STRAP: variants seen among roughly 807,000 people sequenced by gnomAD.
STRAP encodes the protein serine-threonine kinase receptor-associated protein.
Under a neutral mutation model 47.0 loss-of-function variants are expected in STRAP, and 16 were observed. The observed-to-expected ratio is 0.34, with a 90% CI of 0.23 to 0.52. STRAP has a LOEUF of 0.52. STRAP is among the 20% of genes least tolerant of loss of function. STRAP has a pLI of 0.96. For missense variants in STRAP, 293 were observed against 420.0 expected (o/e 0.70, Z 2.64); for synonymous variants, 130 against 142.7 (o/e 0.91, Z 0.63).
chr12:15,884,849 A>C (rs1947955700), intron 2 of STRAP, among the ~76,000 whole-genome samples: 1 of 152,148 alleles, frequency 6.6e-6, no homozygotes, highest in Admixed American at 6.5e-5. Flanking sequence ...GGCCCTTTAC[A>C]GTTTGCTTCA....
chr12:15,882,939 C>A, intron 1 of STRAP, 120 bp downstream of exon 1: 1 of 1,343,400 alleles, frequency 7.4e-7, no homozygotes, highest in Non-Finnish European at 1.0e-6. Context: ...ATATTAACAT[C>A]TGAGATGAGA....
rs1948008995 is a variant in STRAP, at chr12:15,890,810, A to G, written c.403+141A>G. The G allele has an allele frequency of 4.5e-6, 3 of 662,120 alleles. No homozygotes were observed. Among genetic ancestry groups the G allele is most frequent in the East Asian group, 6.3e-5 (2 of 31,836 alleles). 41.0% of individuals were successfully genotyped at this position (662,120 alleles called of 1,614,324 possible). ...CACGGTGGCTCATACCTGTAATCCTAGCACTTTGGGAGACTGAGGCGGGTG... is the reference window on the plus strand; with the variant it reads ...CACGGTGGCTCATACCTGTAATCCTGGCACTTTGGGAGACTGAGGCGGGTG... On this transcript the variant is annotated intron_variant, in intron 4 of 9. Coordinates refer to ENST00000419869, the MANE Select transcript of STRAP (RefSeq NM_007178.4). This position sits in a 1 kb window ranked among gnomAD's most constrained non-coding sequence, Gnocchi z 4.5.
rs985311402 is a variant in STRAP, at chr12:15,890,752, CA to C, written c.403+86del. On this transcript the variant is annotated intron_variant, in intron 4 of 9. Coordinates refer to ENST00000419869, the MANE Select transcript of STRAP (RefSeq NM_007178.4). The surrounding 1 kb of genome is among the most constrained non-coding windows in gnomAD (Gnocchi z 4.5). ...ATTAAAGAATTTCATGCTCAGTACT[CA>C]AATTTGGAAAATAAAGATAGTCATG... is the stretch of plus-strand genomic sequence containing the variant. 7.9e-7 allele frequency: 1 copy of C among 1,261,676 alleles called. No individual in the cohort carries two copies. Among genetic ancestry groups the C allele is most frequent in the African/African-American group, 1.5e-5 (1 of 64,704 alleles). 78.2% of individuals were successfully genotyped at this position (1,261,676 alleles called of 1,614,324 possible). A position where few individuals can be genotyped will look rare whatever the true frequency, so the allele number is the denominator to read the frequency against.
At position 15,896,620 on chromosome 12, in the gene STRAP, C is replaced by A. The variant is rs1411797545; in HGVS notation, c.638+1124C>A. 6.6e-6 allele frequency among the ~76,000 whole-genome samples: 1 copy of A among 151,836 alleles called. No homozygotes were observed. The highest frequency in any genetic ancestry group is 2.4e-5 in the African/African-American group (1 of 41,328). ...AAATATTGTTAGCCATTTAAAACTT[C>A]TTTGAAAACATTTTTACTTGATACA... is the stretch of plus-strand genomic sequence containing the variant. On this transcript the variant is annotated intron_variant, in intron 6 of 9. Transcript: ENST00000419869. The surrounding 1 kb of genome is among the most constrained non-coding windows in gnomAD (Gnocchi z 4.1).
At chr12:15,882,956 A>C (rs1947935885) in intron 1 of STRAP, 137 bp downstream of exon 1, 1 of 1,349,244 alleles carries the variant, frequency 7.4e-7, no homozygotes, top group South Asian at 1.3e-5. Context: ...GAGAGCCAAC[A>C]CTGGTCCGGT....
At chr12:15,899,758 T>C in intron 7 of STRAP, 146 bp from the exon 8 acceptor site, 1 of 724,422 alleles carries the variant, frequency 1.4e-6, no homozygotes. Flanking sequence ...ACCACTTTTG[T>C]GATGAGAAAT....
chr12:15,882,918 G>C, intron 1 of STRAP, 99 bp downstream of exon 1: 1 of 1,378,686 alleles, frequency 7.3e-7, no homozygotes, highest in Non-Finnish European at 1.0e-6. Context: ...GTGGTGAGGG[G>C]GGAGGGGGCG....
In STRAP at chr12:15,887,747, G is replaced by A. The variant is rs1324993647; in HGVS notation, c.249-2181G>A. Among the ~76,000 whole-genome samples the A allele has an allele frequency of 6.6e-6, 1 of 152,106 alleles. No individual in the cohort carries two copies. Among genetic ancestry groups the A allele is most frequent in the Non-Finnish European group, 1.5e-5 (1 of 68,032 alleles). On this transcript the variant is annotated intron_variant, in intron 2 of 9. Coordinates refer to ENST00000419869, the MANE Select transcript of STRAP (RefSeq NM_007178.4). The surrounding 1 kb of genome is among the most constrained non-coding windows in gnomAD (Gnocchi z 5.5). ...AGAGCTGCCATGTTGGCGTTAGCCT[G>A]TAGCTACTTAGGAGGCTGAGGTGGA... is the stretch of plus-strand genomic sequence containing the variant.
chr12:15,885,792 CT>C (rs1198399368), intron 2 of STRAP, among the ~76,000 whole-genome samples: 2 of 151,296 alleles, frequency 1.3e-5, no homozygotes, highest in Admixed American at 1.3e-4. Context: ...ATTTTTTTTT[CT>C]GTCATGGTAC....
At chr12:15,893,491 CTTT>C (rs1261135340) in intron 4 of STRAP, among the ~76,000 whole-genome samples, 4 of 138,648 alleles carry the variant, frequency 2.9e-5, no homozygotes, top group Non-Finnish European at 4.6e-5. Context: ...ATATAAAATT[CTTT>C]TTATTATACA....
Position 15,890,070 on chromosome 12 carries a change from T to C in STRAP, c.330+61T>C, listed in dbSNP as rs1948001907. 1 of 1,384,256 alleles carries C rather than the reference T, an allele frequency of 7.2e-7. No homozygotes were observed. Among genetic ancestry groups the C allele is most frequent in the South Asian group, 1.2e-5 (1 of 85,838 alleles). 85.7% of individuals were successfully genotyped at this position (1,384,256 alleles called of 1,614,324 possible). On this transcript the variant is annotated intron_variant, in intron 3 of 9. Coordinates refer to ENST00000419869, the MANE Select transcript of STRAP (RefSeq NM_007178.4). This position sits in a 1 kb window ranked among gnomAD's most constrained non-coding sequence, Gnocchi z 4.5. ...TTGCTGGTACATAGTGTGATAATGC[T>C]TTTATACTTGATTGGTGTGTATATT...
intron 4 of STRAP, among the ~76,000 whole-genome samples, chr12:15,891,008 C>T (rs573688879): frequency 5.3e-5 from 8 of 150,938 alleles, no homozygotes; most frequent in Middle Eastern, 3.4e-3. Context: ...TGCAGTGAGC[C>T]GAGATTGCGC....
At chr12:15,883,450 G>A in intron 1 of STRAP, 91 bp from the exon 2 acceptor site, 2 of 1,409,928 alleles carry the variant, frequency 1.4e-6, no homozygotes, top group Non-Finnish European at 1.9e-6. Context: ...TTTCCACTTT[G>A]TCATTGAACA....
At position 15,887,241 on chromosome 12, in the gene STRAP, A is replaced by G. The variant is rs1947979361; in HGVS notation, c.249-2687A>G. ...TAAATAAGTAAGTTAAGCAGCTCCT[A>G]TTATGAGACTTACGGTAAGTTCATT... On this transcript the variant is annotated intron_variant, in intron 2 of 9. Transcript: ENST00000419869. This position sits in a 1 kb window ranked among gnomAD's most constrained non-coding sequence, Gnocchi z 5.5. Among the ~76,000 whole-genome samples the G allele has an allele frequency of 6.6e-6, 1 of 152,216 alleles. No homozygotes were observed. The highest frequency in any genetic ancestry group is 6.5e-5 in the Admixed American group (1 of 15,286).
rs777773134 is a variant in STRAP at position 15,902,944 on chromosome 12, G to C, written c.1019G>C (p.Cys340Ser). Residue 340 changes from cysteine to serine, a missense_variant, in exon 10 of 10, where the codon TGC (cysteine) becomes TCC (serine). Physicochemically the swap from Cys to Ser is moderately radical, Grantham distance 112. Transcript: ENST00000419869. ...GAAATTGCTTCAGAGAATTCAGATT[G>C]CATCTTTCCTTCAGCTCCTGATGTT... ...LEEIASENSD[C>S]IFPSAPDVKA is the part of the protein sequence containing the mutation. 2 of 1,483,878 alleles carry C rather than the reference G, an allele frequency of 1.3e-6. No individual in the cohort carries two copies. Among genetic ancestry groups the C allele is most frequent in the South Asian group, 1.3e-5 (1 of 78,952 alleles). 91.9% of individuals were successfully genotyped at this position (1,483,878 alleles called of 1,614,324 possible).
chr12:15,885,648 AAC>A (rs2136107532), intron 2 of STRAP, among the ~76,000 whole-genome samples: 1 of 151,538 alleles, frequency 6.6e-6, no homozygotes, highest in African/African-American at 2.4e-5. Context: ...TGTTTATTGA[AAC>A]AGTGTTGTTT....
At chr12:15,901,939 C>T (rs2136114828) in intron 9 of STRAP, among the ~76,000 whole-genome samples, 1 of 150,480 alleles carries the variant, frequency 6.6e-6, no homozygotes, top group East Asian at 2.0e-4. Context: ...TGAACATAAA[C>T]CAGTTAGGGG....
Position 15,882,612 on chromosome 12 carries a change from C to T in STRAP, c.-96C>T. 9.7e-7 allele frequency: 1 copy of T among 1,030,186 alleles called. No individual in the cohort carries two copies. Among genetic ancestry groups the T allele is most frequent in the Non-Finnish European group, 1.4e-6 (1 of 690,752 alleles). 63.8% of individuals were successfully genotyped at this position (1,030,186 alleles called of 1,614,324 possible). On this transcript the variant is annotated 5_prime_UTR_variant, in exon 1 of 10. Transcript: ENST00000419869. ...GCCCAGCCCAGCCCTAGTGTCAGGG[C>T]GGGGGCCTGGAGCAGCCCGAGGCAC...
intron 4 of STRAP, among the ~76,000 whole-genome samples, chr12:15,892,907 T>A (rs539589949): frequency 6.6e-6 from 1 of 152,232 alleles, no homozygotes; most frequent in Non-Finnish European, 1.5e-5. Context: ...AGCTGTTTTA[T>A]GAAAGTTGCT....
Sources: allele counts gnomAD v4.1 joint callset (sites outside exome capture counted in the v4.1 genomes callset), GRCh38; gene constraint gnomAD v4.1.1; non-coding constraint Gnocchi (gnomAD v3.1); transcripts MANE v1.5; gene names NCBI Gene and HGNC (gene_info 2026-07-23, HGNC 2026-07-21).